ZRANB3: variants seen among roughly 807,000 people sequenced by gnomAD.
The protein encoded by ZRANB3 is zinc finger RANBP2-type containing 3.
In ZRANB3, 125 loss-of-function variants were observed where a neutral mutation model predicts 133.8. That is an observed-to-expected ratio of 0.93 (90% CI 0.81 to 1.08). The LOEUF (loss-of-function observed/expected upper bound fraction) is 1.08, where lower values mean the gene tolerates loss of function less well. Among genes scored for constraint, ZRANB3 ranks in the 50% least tolerant of loss-of-function variants. The pLI is 0.00. For missense variants in ZRANB3, 1,229 were observed against 1,275.5 expected, an observed-to-expected ratio of 0.96 and a Z score of 0.56; for synonymous variants, 387 against 432.7, an observed-to-expected ratio of 0.89 and a Z score of 1.31.
At chr2:135,304,353 G>T (rs1682579979) in intron 8 of ZRANB3, among the ~76,000 whole-genome samples, 4 of 152,060 alleles carry the variant, frequency 2.6e-5, no homozygotes, top group African/African-American at 9.7e-5. Context: ...TAATCATATG[G>T]TTTTCAATTT....
Position 135,315,540 on chromosome 2 carries a change from T to A in ZRANB3, c.678-10A>T. ...TCTTTTACCAAAATATCTGTTAAAATGAAGACAAAACATGTAGCAAAATTG... is the reference window on the plus strand; with the variant it reads ...TCTTTTACCAAAATATCTGTTAAAAAGAAGACAAAACATGTAGCAAAATTG... On this transcript the variant is annotated splice_polypyrimidine_tract_variant and intron_variant, in intron 6 of 20. Transcript: ENST00000264159. 2.0e-6 allele frequency: 3 copies of A among 1,464,756 alleles called. No individual in the cohort carries two copies. The highest frequency in any genetic ancestry group is 2.7e-6 in the Non-Finnish European group (3 of 1,108,028). 90.7% of individuals were successfully genotyped at this position (1,464,756 alleles called of 1,614,324 possible).
chr2:135,492,260 C>A (rs761285418), intron 2 of ZRANB3, among the ~76,000 whole-genome samples: 2 of 151,998 alleles, frequency 1.3e-5, no homozygotes, highest in Non-Finnish European at 2.9e-5. Flanking sequence ...AGAGAAAAGA[C>A]AAACTGAGTA....
intron 2 of ZRANB3, among the ~76,000 whole-genome samples, chr2:135,482,419 T>C (rs1262737580): frequency 1.3e-5 from 2 of 148,748 alleles, no homozygotes; most frequent in Non-Finnish European, 2.9e-5. Context: ...TCTCTGTTTG[T>C]CTGTTGATGG....
At chr2:135,442,576 G>T (rs1170264349) in intron 2 of ZRANB3, among the ~76,000 whole-genome samples, 1 of 152,204 alleles carries the variant, frequency 6.6e-6, no homozygotes, top group East Asian at 1.9e-4. Flanking sequence ...GGAGAAACAG[G>T]AACGCTTTTA....
At chr2:135,214,201 T>G (rs965816079) in intron 17 of ZRANB3, among the ~76,000 whole-genome samples, 15 of 152,176 alleles carry the variant, frequency 9.9e-5, no homozygotes, top group African/African-American at 3.6e-4. Flanking sequence ...ATAATAAATG[T>G]GTGTTGTTTT....
At chr2:135,298,610 G>T (rs142251025) in intron 8 of ZRANB3, among the ~76,000 whole-genome samples, 1 of 152,256 alleles carries the variant, frequency 6.6e-6, no homozygotes, top group South Asian at 2.1e-4. Flanking sequence ...AGCCACCCCA[G>T]TAGAGCTACT....
At chr2:135,435,162 A>T (rs1458372530) in intron 2 of ZRANB3, among the ~76,000 whole-genome samples, 1 of 151,714 alleles carries the variant, frequency 6.6e-6, no homozygotes, top group Non-Finnish European at 1.5e-5. Flanking sequence ...CTTCGAGTAG[A>T]CCCCAGTGTC....
intron 11 of ZRANB3, among the ~76,000 whole-genome samples, chr2:135,267,181 G>A (rs1277297678): frequency 6.6e-6 from 1 of 152,162 alleles, no homozygotes; most frequent in Admixed American, 6.6e-5. Flanking sequence ...TGTGTAATGT[G>A]TAAAGAAAAT....
intron 2 of ZRANB3, among the ~76,000 whole-genome samples, chr2:135,487,438 G>C (rs1471478561): frequency 6.6e-6 from 1 of 152,186 alleles, no homozygotes; most frequent in Non-Finnish European, 1.5e-5. Context: ...TTTTAAGCCA[G>C]GCATTGACTT....
At chr2:135,481,466 G>GT (rs1691804323) in intron 2 of ZRANB3, among the ~76,000 whole-genome samples, 1 of 152,050 alleles carries the variant, frequency 6.6e-6, no homozygotes, top group East Asian at 1.9e-4. Flanking sequence ...GGGGCTGTTT[G>GT]TTTTTTTCTT....
Position 135,206,781 on chromosome 2 carries a change from T to C in ZRANB3, c.3009+653A>G, listed in dbSNP as rs144798548. On this transcript the variant is annotated intron_variant, in intron 19 of 20. Coordinates refer to ENST00000264159, the MANE Select transcript of ZRANB3 (RefSeq NM_032143.4). The stretch of plus-strand genomic sequence containing the variant: ...CAGGGGAGGGAGAGGAAAAGAAGGA[T>C]AGAAGGAAGGAAGGAGGTCTTTACC... Among the ~76,000 whole-genome samples the C allele has an allele frequency of 2.0e-4, 30 of 148,796 alleles. 1 individual carries two copies. The East Asian group carries it at 5.6e-3, about 28-fold the overall frequency.
chr2:135,365,044 CAA>C (rs536699382), intron 3 of ZRANB3, among the ~76,000 whole-genome samples: 1 of 128,564 alleles, frequency 7.8e-6, no homozygotes. Flanking sequence ...GACTCTGTCT[CAA>C]AAAAAAAAAT....
At chr2:135,459,198 T>C (rs1214616154) in intron 2 of ZRANB3, among the ~76,000 whole-genome samples, 1 of 152,210 alleles carries the variant, frequency 6.6e-6, no homozygotes, top group Middle Eastern at 3.2e-3. Context: ...TTGGTAGCTA[T>C]GCAGAAAGCA....
At chr2:135,230,175 CTA>C (rs1322258411) in intron 13 of ZRANB3, among the ~76,000 whole-genome samples, 2 of 152,178 alleles carry the variant, frequency 1.3e-5, no homozygotes, top group Admixed American at 6.5e-5. Context: ...AATAGAAGGT[CTA>C]TGAGTATAAG....
intron 8 of ZRANB3, among the ~76,000 whole-genome samples, chr2:135,307,401 G>A (rs1196400514): frequency 6.6e-6 from 1 of 151,984 alleles, no homozygotes; most frequent in Non-Finnish European, 1.5e-5. Flanking sequence ...TCCACTATTG[G>A]CTCATAACTG....
At chr2:135,268,774 T>C (rs148206572) in intron 11 of ZRANB3, among the ~76,000 whole-genome samples, 188 bp downstream of exon 11, 118 of 152,268 alleles carry the variant, frequency 7.7e-4, no homozygotes, top group African/African-American at 2.5e-3. Context: ...CATGCCTCTC[T>C]TATTACAGAG....
chr2:135,396,726 T>A (rs1235167461), intron 2 of ZRANB3, among the ~76,000 whole-genome samples: 2 of 152,204 alleles, frequency 1.3e-5, no homozygotes, highest in East Asian at 1.9e-4. Flanking sequence ...AAAAATAGAA[T>A]GAATAATATC....
intron 2 of ZRANB3, among the ~76,000 whole-genome samples, chr2:135,464,751 C>T (rs1690909649): frequency 6.6e-6 from 1 of 152,194 alleles, no homozygotes; most frequent in Admixed American, 6.5e-5. Context: ...GTACGTATTC[C>T]ACAGCTTGGA....
intron 3 of ZRANB3, among the ~76,000 whole-genome samples, chr2:135,388,905 T>C (rs1687100712): frequency 6.6e-6 from 1 of 152,072 alleles, no homozygotes; most frequent in South Asian, 2.1e-4. Context: ...AGTGAAACCC[T>C]GTCTTTACTA....
Sources: gnomAD v4.1 joint callset for allele counts (sites outside exome capture counted in the v4.1 genomes callset) on GRCh38, gnomAD v4.1.1 for gene constraint, MANE v1.5 for transcripts, NCBI Gene and HGNC (gene_info 2026-07-23, HGNC 2026-07-21) for gene names.